Variants in SPTBN1 observed in about 807,000 individuals in gnomAD.
SPTBN1 encodes the protein spectrin beta, non-erythrocytic 1.
In SPTBN1, 32 loss-of-function variants were observed where a neutral mutation model predicts 266.4. The observed-to-expected ratio is 0.12, with a 90% CI of 0.09 to 0.16. The LOEUF is 0.16. SPTBN1 is among the 10% of genes least tolerant of loss of function. The pLI is 1.00. For missense variants in SPTBN1, 2,296 were observed against 3,067.1 expected, an observed-to-expected ratio of 0.75 and a Z score of 5.94; for synonymous variants, 1,336 against 1,162.2, an observed-to-expected ratio of 1.15 and a Z score of -3.04.
At chr2:54,665,648 AACTTGCTT>A (rs1297031886) in intron 33 of SPTBN1, among the ~76,000 whole-genome samples, 1 of 152,236 alleles carries the variant, frequency 6.6e-6, no homozygotes, top group Non-Finnish European at 1.5e-5. Flanking sequence ...ACAAGAGGGT[AACTTGCTT>A]TTCTCCGAAG....
At chr2:54,620,734 G>T (rs185507706) in intron 7 of SPTBN1, among the ~76,000 whole-genome samples, 1 of 152,204 alleles carries the variant, frequency 6.6e-6, no homozygotes, top group Non-Finnish European at 1.5e-5. Context: ...ACACTTAAAA[G>T]AAGCCTGGTG....
At chr2:54,519,535 G>T (rs934678149) in intron 1 of SPTBN1, among the ~76,000 whole-genome samples, 2 of 152,148 alleles carry the variant, frequency 1.3e-5, no homozygotes, top group Non-Finnish European at 2.9e-5. Flanking sequence ...ACAAGAACAT[G>T]ATTCTTCTCT....
intron 2 of SPTBN1, among the ~76,000 whole-genome samples, chr2:54,595,538 C>T (rs776413939): frequency 1.4e-4 from 22 of 152,382 alleles, no homozygotes; most frequent in African/African-American, 4.8e-4. Flanking sequence ...CCTCACATCG[C>T]CCAGACCCAG....
chr2:54,623,425 A>T, intron 9 of SPTBN1, 54 bp from the exon 10 acceptor site: 1 of 1,473,228 alleles, frequency 6.8e-7, no homozygotes. Context: ...AATGCATGAC[A>T]GTGTGAAATT....
intron 2 of SPTBN1, among the ~76,000 whole-genome samples, chr2:54,535,384 G>T (rs1258643764): frequency 6.6e-6 from 1 of 152,134 alleles, no homozygotes; most frequent in Non-Finnish European, 1.5e-5. Flanking sequence ...TCCCATGTAC[G>T]TTAGCGGTTA....
chr2:54,605,625 C>G (rs1305317844), intron 3 of SPTBN1, among the ~76,000 whole-genome samples: 1 of 152,190 alleles, frequency 6.6e-6, no homozygotes, highest in East Asian at 1.9e-4. Flanking sequence ...ATGATCACCT[C>G]TTGAAATTAA....
intron 2 of SPTBN1, among the ~76,000 whole-genome samples, chr2:54,534,519 C>G (rs1671478435): frequency 6.6e-6 from 1 of 152,182 alleles, no homozygotes; most frequent in Non-Finnish European, 1.5e-5. Flanking sequence ...GCACGTAGTC[C>G]TAGATTATAC....
At position 54,670,337 on chromosome 2, in the gene SPTBN1, T is replaced by A; in HGVS notation, c.*1768T>A. ...GGGTTATCTGGGTATGTTGACTCCA[T>A]GCCACTTGCATAAAGCAGCAATGGA... On this transcript the variant is annotated 3_prime_UTR_variant, in exon 36 of 36. Transcript: ENST00000356805. The A allele has an allele frequency of 5.7e-6, 1 of 174,714 alleles. No homozygotes were observed. Among genetic ancestry groups the A allele is most frequent in the Non-Finnish European group, 1.2e-5 (1 of 83,452 alleles). 10.8% of individuals were successfully genotyped at this position (174,714 alleles called of 1,614,324 possible).
chr2:54,481,440 GT>G (rs1267813018), intron 1 of SPTBN1, among the ~76,000 whole-genome samples: 2 of 73,878 alleles, frequency 2.7e-5, no homozygotes, highest in Non-Finnish European at 5.3e-5. Context: ...GTGTGTGTGT[GT>G]TTTGTTTTGT....
Position 54,645,807 on chromosome 2 carries a change from G to C in SPTBN1, c.4495-121G>C. ...GCGTGCTTCCCCAGACAGCCCTCCCGAGGGGGCTGAGCACTCTCTGAAGCT... is the reference window on the plus strand; with the variant it reads ...GCGTGCTTCCCCAGACAGCCCTCCCCAGGGGGCTGAGCACTCTCTGAAGCT... On this transcript the variant is annotated intron_variant, in intron 21 of 35. Coordinates refer to ENST00000356805, the MANE Select transcript of SPTBN1 (RefSeq NM_003128.3). The surrounding 1 kb of genome is among the most constrained non-coding windows in gnomAD (Gnocchi z 4.3). The C allele has an allele frequency of 9.2e-7, 1 of 1,087,412 alleles. No individual in the cohort carries two copies. 67.4% of individuals were successfully genotyped at this position (1,087,412 alleles called of 1,614,324 possible).
chr2:54,609,752 A>G (rs1434455134), intron 3 of SPTBN1, among the ~76,000 whole-genome samples: 1 of 152,168 alleles, frequency 6.6e-6, no homozygotes, highest in Non-Finnish European at 1.5e-5. Context: ...GCAGCCTCTT[A>G]CTGGCAAGGT....
At chr2:54,625,258 A>T (rs1304191821) in intron 11 of SPTBN1, among the ~76,000 whole-genome samples, 1 of 152,184 alleles carries the variant, frequency 6.6e-6, no homozygotes, top group East Asian at 1.9e-4. Context: ...TCTTTTCTTT[A>T]ATCTTTGACC....
At chr2:54,605,134 G>T (rs1010108055) in intron 3 of SPTBN1, among the ~76,000 whole-genome samples, 3 of 152,114 alleles carry the variant, frequency 2.0e-5, no homozygotes, top group Non-Finnish European at 4.4e-5. Context: ...GCTGAGAGGC[G>T]CCCCCTCCCT....
intron 1 of SPTBN1, among the ~76,000 whole-genome samples, chr2:54,470,505 CGTGA>C (rs1347010195): frequency 3.3e-5 from 5 of 152,106 alleles, no homozygotes; most frequent in Non-Finnish European, 7.4e-5. Context: ...CTGTGCAGAG[CGTGA>C]GTCTCAAATG....
At chr2:54,589,084 T>A (rs909631964) in intron 2 of SPTBN1, among the ~76,000 whole-genome samples, 1 of 152,188 alleles carries the variant, frequency 6.6e-6, no homozygotes, top group Non-Finnish European at 1.5e-5. Context: ...AACAATCCAA[T>A]TATACTCTTA....
chr2:54,590,538 A>G (rs913471403), intron 2 of SPTBN1, among the ~76,000 whole-genome samples: 5 of 152,260 alleles, frequency 3.3e-5, no homozygotes, highest in Non-Finnish European at 7.3e-5. Context: ...CACAAGACGT[A>G]TAATAAAAGA....
chr2:54,580,819 C>T (rs1190046007), intron 2 of SPTBN1, among the ~76,000 whole-genome samples: 5 of 151,832 alleles, frequency 3.3e-5, no homozygotes, highest in East Asian at 1.9e-4. Flanking sequence ...AATTATAGGC[C>T]GGGTGCACTA....
In SPTBN1 at chr2:54,609,230, C is replaced by T. The variant is rs997538500; in HGVS notation, c.301-2931C>T. On this transcript the variant is annotated intron_variant, in intron 3 of 35. Transcript: ENST00000356805. ...ATCATTTGTCATCTTTTTGGAGACA[C>T]TCATTTTCATCAAGTCGTCTTCCGT... Among the ~76,000 whole-genome samples, 36 of 152,346 alleles carry T rather than the reference C, an allele frequency of 2.4e-4. 1 individual carries two copies. The highest frequency in any genetic ancestry group is 8.2e-4 in the African/African-American group (34 of 41,572).
At chr2:54,477,079 T>C (rs1667871186) in intron 1 of SPTBN1, among the ~76,000 whole-genome samples, 1 of 152,176 alleles carries the variant, frequency 6.6e-6, no homozygotes, top group African/African-American at 2.4e-5. Context: ...ACAAGTTTTC[T>C]AGAAGTTTTG....
Sources: allele counts gnomAD v4.1 joint callset (sites outside exome capture counted in the v4.1 genomes callset), GRCh38; gene constraint gnomAD v4.1.1; non-coding constraint Gnocchi (gnomAD v3.1); transcripts MANE v1.5; gene names NCBI Gene and HGNC (gene_info 2026-07-23, HGNC 2026-07-21).